NUDT2: variants seen among roughly 807,000 people sequenced by gnomAD.
NUDT2 encodes nudix hydrolase 2, also known as bis(5'-nucleosyl)-tetraphosphatase [asymmetrical].
A neutral mutation model predicts 14.2 loss-of-function variants in NUDT2; 12 were observed. That is an observed-to-expected ratio of 0.84 (90% CI 0.54 to 1.37). NUDT2 has a LOEUF of 1.37. Ranked by LOEUF, NUDT2 falls within the 40% of genes most tolerant of loss-of-function variation. The pLI is 0.00. For synonymous variants in NUDT2, 67 were observed against 67.4 expected (o/e 0.99, Z 0.03); for missense variants, 167 against 176.7 (o/e 0.95, Z 0.31).
intron 1 of NUDT2, among the ~76,000 whole-genome samples, chr9:34,331,149 A>C (rs909320434): frequency 6.6e-6 from 1 of 152,208 alleles, no homozygotes; most frequent in South Asian, 2.1e-4. Flanking sequence ...TCTAGTTTCT[A>C]TATTAAAAGG....
chr9:34,334,663 A>C (rs959505209), intron 1 of NUDT2, among the ~76,000 whole-genome samples: 1 of 152,160 alleles, frequency 6.6e-6, no homozygotes, highest in Non-Finnish European at 1.5e-5. Context: ...AGGTGGGGAG[A>C]GAGTTCTTTT....
intron 4 of NUDT2, among the ~76,000 whole-genome samples, chr9:34,340,226 G>A (rs1389659897): frequency 5.9e-5 from 9 of 152,156 alleles, no homozygotes; most frequent in East Asian, 1.9e-4. Flanking sequence ...GTGAGCCACC[G>A]CACCCAGCCA....
intron 1 of NUDT2, among the ~76,000 whole-genome samples, chr9:34,333,670 AAAG>A: frequency 6.6e-6 from 1 of 150,928 alleles, no homozygotes; most frequent in Non-Finnish European, 1.5e-5. Flanking sequence ...AAAAAAAAAA[AAAG>A]GACTGGGAAT....
chr9:34,330,461 G>A (rs892216959), intron 1 of NUDT2, among the ~76,000 whole-genome samples: 1 of 152,162 alleles, frequency 6.6e-6, no homozygotes, highest in East Asian at 1.9e-4. Flanking sequence ...AATGTAAAAC[G>A]CTATTATAGA....
chr9:34,340,485 GC>G (rs1838204030), intron 4 of NUDT2, among the ~76,000 whole-genome samples: 1 of 152,212 alleles, frequency 6.6e-6, no homozygotes, highest in Non-Finnish European at 1.5e-5. Context: ...AGCTACCTGT[GC>G]CTTGAGTCTA....
chr9:34,340,922 C>T (rs778534331), intron 4 of NUDT2, among the ~76,000 whole-genome samples: 1 of 152,116 alleles, frequency 6.6e-6, no homozygotes, highest in Non-Finnish European at 1.5e-5. Context: ...AAGTGATCTG[C>T]CCACTTGGTC....
chr9:34,338,156 T>TTA (rs1838139153), intron 2 of NUDT2, among the ~76,000 whole-genome samples: 1 of 31,042 alleles, frequency 3.2e-5, no homozygotes, highest in Non-Finnish European at 5.5e-5. Flanking sequence ...CCCTGTTTCT[T>TTA]AAAAAAAAAA....
At chr9:34,330,683 C>T (rs1298059496) in intron 1 of NUDT2, among the ~76,000 whole-genome samples, 1 of 152,172 alleles carries the variant, frequency 6.6e-6, no homozygotes, top group East Asian at 1.9e-4. Flanking sequence ...TGGTAGCGGC[C>T]GGGCGCGGTG....
At chr9:34,335,093 T>C (rs1243614290) in intron 1 of NUDT2, among the ~76,000 whole-genome samples, 2 of 152,098 alleles carry the variant, frequency 1.3e-5, no homozygotes, top group Non-Finnish European at 2.9e-5. Context: ...CTTCAGCTCC[T>C]CTGAGTCCTG....
At chr9:34,331,655 A>T (rs1000534118) in intron 1 of NUDT2, among the ~76,000 whole-genome samples, 5 of 152,220 alleles carry the variant, frequency 3.3e-5, no homozygotes, top group Non-Finnish European at 7.3e-5. Context: ...TGGTCTTGGT[A>T]GAGAAGGGAG....
At chr9:34,337,075 C>A (rs922517845) in intron 2 of NUDT2, among the ~76,000 whole-genome samples, 11 of 149,370 alleles carry the variant, frequency 7.4e-5, no homozygotes, top group African/African-American at 2.5e-4. Context: ...TCTCGGCTCA[C>A]CACAACCTCC....
intron 4 of NUDT2, among the ~76,000 whole-genome samples, chr9:34,340,800 G>A (rs957575807): frequency 6.6e-6 from 1 of 152,218 alleles, no homozygotes; most frequent in Non-Finnish European, 1.5e-5. Flanking sequence ...ATAGCCCTCA[G>A]ACAGAAGGAA....
intron 2 of NUDT2, among the ~76,000 whole-genome samples, chr9:34,338,156 TAAAAAAAAAAA>T (rs74180557): frequency 3.5e-4 from 11 of 31,042 alleles, no homozygotes; most frequent in South Asian, 1.3e-3. Context: ...CCCTGTTTCT[TAAAAAAAAAAA>T]AAAAAAAAAA....
At chr9:34,332,133 G>T (rs576550041) in intron 1 of NUDT2, among the ~76,000 whole-genome samples, 1 of 152,278 alleles carries the variant, frequency 6.6e-6, no homozygotes, top group East Asian at 1.9e-4. Context: ...ATGTCAGTCT[G>T]ACCAAATTAT....
At chr9:34,340,956 C>A (rs1820169283) in intron 4 of NUDT2, among the ~76,000 whole-genome samples, 1 of 152,112 alleles carries the variant, frequency 6.6e-6, no homozygotes, top group Non-Finnish European at 1.5e-5. Flanking sequence ...GGATTATAGG[C>A]ATGAGCCACC....
chr9:34,331,509 G>A (rs1349913957), intron 1 of NUDT2, among the ~76,000 whole-genome samples: 1 of 152,146 alleles, frequency 6.6e-6, no homozygotes, highest in East Asian at 1.9e-4. Context: ...GACTAAAGGA[G>A]GATGAAAATG....
chr9:34,343,189 A>C lies in NUDT2; in HGVS notation c.193A>C (p.Ile65Leu), dbSNP rs1462901321. The change falls in exon 5 of 5, where the codon ATA becomes CTA. Residue 65 changes from isoleucine (I) to leucine (L), a missense_variant. Physicochemically the swap from Ile to Leu is conservative, Grantham distance 5. Coordinates refer to ENST00000379158, the MANE Select transcript of NUDT2 (RefSeq NM_001161.5). ...GAGGGAGACCCAAGAGGAAGCAGGC[A>C]TAGAAGCAGGCCAGCTGACCATTAT... ...ALRETQEEAG[I>L]EAGQLTIIEG... 2 of 1,614,108 alleles carry C rather than the reference A, an allele frequency of 1.2e-6. No homozygotes were observed. The highest frequency in any genetic ancestry group is 1.1e-5 in the South Asian group (1 of 91,086).
chr9:34,333,887 T>C (rs1455833756), intron 1 of NUDT2, among the ~76,000 whole-genome samples: 1 of 152,192 alleles, frequency 6.6e-6, no homozygotes, highest in Non-Finnish European at 1.5e-5. Flanking sequence ...TGAAATAATA[T>C]CAGTGTCCTT....
chr9:34,332,326 C>A (rs182644219), intron 1 of NUDT2, among the ~76,000 whole-genome samples: 1 of 152,216 alleles, frequency 6.6e-6, no homozygotes, highest in Non-Finnish European at 1.5e-5. Context: ...TTATGGGGTA[C>A]CTTGTTAACC....
Sources: allele counts gnomAD v4.1 joint callset (sites outside exome capture counted in the v4.1 genomes callset), GRCh38; gene constraint gnomAD v4.1.1; transcripts MANE v1.5; gene names NCBI Gene and HGNC (gene_info 2026-07-23, HGNC 2026-07-21).